Variants in LRMDA observed in about 807,000 individuals in gnomAD.
LRMDA encodes leucine-rich melanocyte differentiation-associated protein.
Under a neutral mutation model 29.8 loss-of-function variants are expected in LRMDA, and 18 were observed. The ratio of observed to expected loss-of-function variants is 0.60; its 90% CI spans 0.42 to 0.90. The LOEUF (loss-of-function observed/expected upper bound fraction) is 0.90, where lower values mean the gene tolerates loss of function less well. Ranked by LOEUF, LRMDA falls within the 40% of genes least tolerant of loss-of-function variation. The probability of loss-of-function intolerance (pLI) is 0.00; values close to 1 mark genes in which losing one functional copy is unlikely to be tolerated. For synonymous variants in LRMDA, 125 were observed against 109.4 expected (o/e 1.14, Z -0.89); for missense variants, 273 against 273.9 (o/e 1.00, Z 0.02).
chr10:75,853,453 T>TGTGTGTGA (rs1237097925), intron 2 of LRMDA, among the ~76,000 whole-genome samples: 1 of 152,114 alleles, frequency 6.6e-6, no homozygotes, highest in East Asian at 1.9e-4. Flanking sequence ...TGTGTGTGTG[T>TGTGTGTGA]GTGTGTGTGT....
chr10:75,821,039 A>G (rs1328712474), intron 2 of LRMDA, among the ~76,000 whole-genome samples: 1 of 152,244 alleles, frequency 6.6e-6, no homozygotes, highest in Non-Finnish European at 1.5e-5. Context: ...CAACATCAAA[A>G]AAATTCCAGG....
intron 2 of LRMDA, among the ~76,000 whole-genome samples, chr10:75,706,732 CTT>C (rs61099708): frequency 8.7e-5 from 11 of 126,184 alleles, no homozygotes; most frequent in African/African-American, 1.2e-4. Context: ...ATTGGTACCA[CTT>C]TTTTTTTTTT....
intron 2 of LRMDA, among the ~76,000 whole-genome samples, chr10:75,875,041 A>G (rs1589236973): frequency 6.6e-6 from 1 of 152,318 alleles, no homozygotes; most frequent in Admixed American, 6.5e-5. Context: ...GCATGCCAAT[A>G]TCAATCACTT....
intron 5 of LRMDA, among the ~76,000 whole-genome samples, chr10:76,233,374 A>G (rs1052475753): frequency 6.6e-6 from 1 of 152,224 alleles, no homozygotes. Context: ...TCAGTTAGTT[A>G]CCATCTTTTT....
intron 5 of LRMDA, among the ~76,000 whole-genome samples, chr10:76,152,406 A>T (rs1850462440): frequency 6.6e-6 from 1 of 152,170 alleles, no homozygotes; most frequent in Admixed American, 6.5e-5. Context: ...ACCATATTTT[A>T]TCTATCCATT....
chr10:75,449,660 A>G (rs992683795), intron 2 of LRMDA, among the ~76,000 whole-genome samples: 2 of 151,762 alleles, frequency 1.3e-5, no homozygotes, highest in African/African-American at 2.4e-5. Context: ...GCTCTCTCCC[A>G]TTTCTCTAAA....
At chr10:76,431,814 G>C (rs919367636) in intron 6 of LRMDA, among the ~76,000 whole-genome samples, 9 of 152,138 alleles carry the variant, frequency 5.9e-5, no homozygotes, top group African/African-American at 2.2e-4. Flanking sequence ...AATAATGGGG[G>C]TGGTCTCCCG....
chr10:75,853,775 A>G (rs1280049135), intron 2 of LRMDA, among the ~76,000 whole-genome samples: 1 of 152,212 alleles, frequency 6.6e-6, no homozygotes, highest in Non-Finnish European at 1.5e-5. Flanking sequence ...CTACACCTTC[A>G]GGATGAGAGG....
chr10:76,454,117 G>A (rs936651909), intron 6 of LRMDA, among the ~76,000 whole-genome samples: 1 of 152,012 alleles, frequency 6.6e-6, no homozygotes, highest in Non-Finnish European at 1.5e-5. Context: ...CACATTTGGG[G>A]GCCATCACTC....
At chr10:76,106,780 A>C (rs1368478246) in intron 5 of LRMDA, among the ~76,000 whole-genome samples, 1 of 152,190 alleles carries the variant, frequency 6.6e-6, no homozygotes, top group Admixed American at 6.5e-5. Flanking sequence ...AGGCTGCCAG[A>C]TTCTCTGCGG....
intron 2 of LRMDA, among the ~76,000 whole-genome samples, chr10:76,005,914 G>A (rs4746344): frequency 0.083 from 12,366 of 149,226 alleles, 580 homozygotes; most frequent in South Asian, 0.19. Context: ...TGGGTGCAGT[G>A]CGAGACTCCA....
intron 2 of LRMDA, among the ~76,000 whole-genome samples, chr10:75,928,286 G>GTTT (rs1846153560): frequency 6.8e-5 from 1 of 14,634 alleles, no homozygotes; most frequent in African/African-American, 7.3e-4. Context: ...TTTAGTTTTG[G>GTTT]GTTTTTTTTT....
intron 2 of LRMDA, among the ~76,000 whole-genome samples, chr10:75,451,886 A>G (rs1309640470): frequency 2.0e-5 from 3 of 151,948 alleles, no homozygotes; most frequent in Non-Finnish European, 4.4e-5. Context: ...AAAAAAAAAA[A>G]AAAAGCATTT....
At chr10:76,082,162 A>G (rs1849059589) in intron 5 of LRMDA, among the ~76,000 whole-genome samples, 1 of 152,148 alleles carries the variant, frequency 6.6e-6, no homozygotes, top group African/African-American at 2.4e-5. Flanking sequence ...CCAACTTTTC[A>G]TATTCCATAG....
In LRMDA at chr10:76,269,566, T is replaced by A. The variant is rs1452514225; in HGVS notation, c.517-54835T>A. On this transcript the variant is annotated intron_variant, in intron 5 of 6. Coordinates refer to ENST00000611255, the MANE Select transcript of LRMDA (RefSeq NM_001305581.2). Reference sequence around the variant, plus strand: ...TACATACTATATCTATATGTATGTATGTTTTGAATGAAAAAATTGTGTTAA... The same window carrying A: ...TACATACTATATCTATATGTATGTAAGTTTTGAATGAAAAAATTGTGTTAA... Among the ~76,000 whole-genome samples the A allele has an allele frequency of 4.6e-5, 7 of 152,302 alleles. No individual in the cohort carries two copies. The East Asian group carries it at 1.4e-3, about 29-fold the overall frequency.
At chr10:75,638,756 G>C (rs934812144) in intron 2 of LRMDA, among the ~76,000 whole-genome samples, 14 of 152,196 alleles carry the variant, frequency 9.2e-5, no homozygotes, top group African/African-American at 3.4e-4. Context: ...TTACATTTAG[G>C]ATTTGGAATA....
At chr10:76,392,748 A>G (rs1841737899) in intron 6 of LRMDA, among the ~76,000 whole-genome samples, 1 of 152,092 alleles carries the variant, frequency 6.6e-6, no homozygotes, top group South Asian at 2.1e-4. Context: ...TATTGTTATA[A>G]TCTATAGTCA....
intron 2 of LRMDA, among the ~76,000 whole-genome samples, chr10:75,605,606 A>G (rs1428003469): frequency 6.6e-6 from 1 of 152,242 alleles, no homozygotes; most frequent in Non-Finnish European, 1.5e-5. Flanking sequence ...TTCTGGGCAC[A>G]TTCTAACCCC....
intron 5 of LRMDA, among the ~76,000 whole-genome samples, chr10:76,288,172 G>A (rs1840295456): frequency 6.6e-6 from 1 of 152,140 alleles, no homozygotes; most frequent in Non-Finnish European, 1.5e-5. Context: ...TGGAGGAAAG[G>A]GAATGCTTAT....
Sources: gnomAD v4.1 joint callset for allele counts (sites outside exome capture counted in the v4.1 genomes callset) on GRCh38, gnomAD v4.1.1 for gene constraint, MANE v1.5 for transcripts, NCBI Gene and HGNC (gene_info 2026-07-23, HGNC 2026-07-21) for gene names.